DSCC1: variants seen among roughly 807,000 people sequenced by gnomAD.
DSCC1 encodes DNA replication and sister chromatid cohesion 1, also known as sister chromatid cohesion protein DCC1.
Under a neutral mutation model 48.2 loss-of-function variants are expected in DSCC1, and 32 were observed. That is an observed-to-expected ratio of 0.66 (90% CI 0.50 to 0.89). The LOEUF (loss-of-function observed/expected upper bound fraction) is 0.89, where lower values mean the gene tolerates loss of function less well. Among genes scored for constraint, DSCC1 ranks in the 40% least tolerant of loss-of-function variants. The pLI, the probability that DSCC1 is intolerant of heterozygous loss-of-function variation, is 0.00. For missense variants in DSCC1, 421 were observed against 471.7 expected, an observed-to-expected ratio of 0.89 and a Z score of 1.00; for synonymous variants, 150 against 171.5, an observed-to-expected ratio of 0.87 and a Z score of 0.98.
intron 3 of DSCC1, among the ~76,000 whole-genome samples, chr8:119,847,668 T>G (rs1826877736): frequency 2.0e-5 from 1 of 48,894 alleles, no homozygotes; most frequent in Admixed American, 1.8e-4. Context: ...CTTCTTTTTC[T>G]TTTTTTTTTT....
At chr8:119,848,484 T>C (rs1007097242) in intron 3 of DSCC1, among the ~76,000 whole-genome samples, 2 of 152,072 alleles carry the variant, frequency 1.3e-5, no homozygotes, top group African/African-American at 4.8e-5. Context: ...TCCAAAGATA[T>C]ACAAATCGTC....
rs112166716 is a variant in DSCC1 at position 119,844,235 on chromosome 8, C to G, written c.578-488G>C. Among the ~76,000 whole-genome samples the G allele has an allele frequency of 5.4e-4, 82 of 152,056 alleles. 1 individual carries two copies. Among genetic ancestry groups the G allele is most frequent in the African/African-American group, 1.8e-3 (75 of 41,486 alleles). ...GGTGGATCACTTTAGGCCAGGAGTTCGAGACCAGCCTGGCCAACATAGTGA... is the reference window on the plus strand; with the variant it reads ...GGTGGATCACTTTAGGCCAGGAGTTGGAGACCAGCCTGGCCAACATAGTGA... On this transcript the variant is annotated intron_variant, in intron 4 of 8. Transcript: ENST00000313655.
intron 2 of DSCC1, 41 bp from the exon 3 acceptor site, chr8:119,850,557 A>G (rs1826929818): frequency 2.7e-6 from 4 of 1,493,978 alleles, no homozygotes; most frequent in African/African-American, 2.9e-5. Flanking sequence ...GGGCCATTCT[A>G]AAGGAAAATT....
chr8:119,843,325 T>A (rs546421704), intron 5 of DSCC1, among the ~76,000 whole-genome samples: 11 of 151,984 alleles, frequency 7.2e-5, no homozygotes, highest in African/African-American at 2.7e-4. Flanking sequence ...CCTGACCTCA[T>A]GATCCACCTG....
chr8:119,846,936 C>G (rs1826865355), intron 4 of DSCC1, 54 bp downstream of exon 4: 1 of 1,526,014 alleles, frequency 6.6e-7, no homozygotes, highest in Non-Finnish European at 9.1e-7. Context: ...AAAAACTTCT[C>G]TCCCTTATGA....
chr8:119,837,942 G>C (rs1159667756), intron 8 of DSCC1, among the ~76,000 whole-genome samples: 1 of 152,164 alleles, frequency 6.6e-6, no homozygotes, highest in Non-Finnish European at 1.5e-5. Flanking sequence ...GGCATGAGGT[G>C]GCAATCAGAG....
At chr8:119,846,963 T>G (rs1407466032) in intron 4 of DSCC1, 27 bp downstream of exon 4, 1 of 1,603,578 alleles carries the variant, frequency 6.2e-7, no homozygotes, top group South Asian at 1.1e-5. Flanking sequence ...ATTTCATCAT[T>G]GTTAAAATAG....
At chr8:119,848,980 C>T (rs13255739) in intron 3 of DSCC1, among the ~76,000 whole-genome samples, 1 of 151,704 alleles carries the variant, frequency 6.6e-6, no homozygotes, top group Non-Finnish European at 1.5e-5. Flanking sequence ...GTCAGGAGAT[C>T]GAGACCATCC....
chr8:119,846,905 C>T (rs554059242), intron 4 of DSCC1, 85 bp downstream of exon 4: 38 of 1,210,370 alleles, frequency 3.1e-5, no homozygotes, highest in Admixed American at 1.6e-4. Context: ...ATAAACTATA[C>T]GCAGTAGGGT....
intron 5 of DSCC1, among the ~76,000 whole-genome samples, chr8:119,843,052 G>T (rs1346487021): frequency 6.6e-6 from 1 of 151,850 alleles, no homozygotes; most frequent in Non-Finnish European, 1.5e-5. Context: ...AATTATGTAA[G>T]CATAAATTTA....
chr8:119,849,101 C>T (rs1414784559), intron 3 of DSCC1, among the ~76,000 whole-genome samples: 3 of 145,802 alleles, frequency 2.1e-5, no homozygotes, highest in Non-Finnish European at 3.0e-5. Context: ...AGGAGAATGG[C>T]GTGAACCCGG....
In DSCC1 at chr8:119,847,059, C is replaced by G. The variant is rs1414810670; in HGVS notation, c.508G>C (p.Asp170His). The G allele has an allele frequency of 1.2e-6, 2 of 1,613,326 alleles. No individual in the cohort carries two copies. The highest frequency in any genetic ancestry group is 1.7e-5 in the Admixed American group (1 of 60,022). The stretch of plus-strand genomic sequence containing the variant: ...TCTTCCTCACTTGCCTGAATTTGAT[C>G]AAGCAAATCTTCAGTTGTATACTGC... ...SSKYTTEDLL[D>H]QIQASEEEIM... The change falls in exon 4 of 9, where the codon GAT becomes CAT. Residue 170 changes from aspartate (D) to histidine (H), a missense_variant. Coordinates refer to ENST00000313655, the MANE Select transcript of DSCC1 (RefSeq NM_024094.3).
At position 119,841,840 on chromosome 8, in the gene DSCC1, T is replaced by G. The variant is rs1175138646; in HGVS notation, c.878A>C (p.Gln293Pro). The change falls in exon 7 of 9, where the codon CAG becomes CCG. Residue 293 changes from glutamine to proline, a missense_variant. This residue lies in a region of DSCC1 where 238 missense variants were observed against 259.0 expected (regional missense o/e 0.92). Coordinates refer to ENST00000313655, the MANE Select transcript of DSCC1 (RefSeq NM_024094.3). The part of the protein sequence containing the change: ...FNLAEFQEVW[Q>P]QSVPEGMVTS... ...TACCATTCCTTCAGGAACACTCTGC[T>G]GCCACACTTCTTGAAACTCAGCGAG... 3 of 1,614,134 alleles carry G rather than the reference T, an allele frequency of 1.9e-6. No homozygotes were observed. In the South Asian group the frequency reaches 3.3e-5, roughly 18 times the overall value.
intron 7 of DSCC1, chr8:119,838,857 CT>C (rs1346096933): frequency 6.5e-6 from 1 of 152,830 alleles, no homozygotes; most frequent in Non-Finnish European, 1.5e-5. Flanking sequence ...ACTCCGCCTC[CT>C]GAGTAGCTGT....
chr8:119,853,803 G>A (rs1036467038), intron 1 of DSCC1, among the ~76,000 whole-genome samples: 1 of 152,208 alleles, frequency 6.6e-6, no homozygotes, highest in Admixed American at 6.5e-5. Context: ...CTAACCATAA[G>A]TTGTGTTGCA....
At chr8:119,837,158 T>C (rs188072598) in intron 8 of DSCC1, among the ~76,000 whole-genome samples, 55 of 152,288 alleles carry the variant, frequency 3.6e-4, no homozygotes, top group African/African-American at 1.3e-3. Context: ...TATTGTTGTC[T>C]TGCAAGATGG....
In DSCC1 at chr8:119,841,844, A is replaced by G. The variant is rs1826774365; in HGVS notation, c.874T>C (p.Trp292Arg). The G allele has an allele frequency of 6.2e-7, 1 of 1,614,084 alleles. No homozygotes were observed. Among genetic ancestry groups the G allele is most frequent in the Non-Finnish European group, 8.5e-7 (1 of 1,180,000 alleles). ...KFNLAEFQEV[W>R]QQSVPEGMVT... ...ATTCCTTCAGGAACACTCTGCTGCCACACTTCTTGAAACTCAGCGAGATTG... is the reference window on the plus strand; with the variant it reads ...ATTCCTTCAGGAACACTCTGCTGCCGCACTTCTTGAAACTCAGCGAGATTG... Residue 292 changes from tryptophan to arginine, a missense_variant, in exon 7 of 9, where the codon TGG becomes CGG. By Grantham distance (101) the Trp-to-Arg change is moderately radical (BLOSUM62 -3). Around this residue, in one of 3 missense-constraint regions of DSCC1, gnomAD observed 238 missense variants for 259.0 expected, o/e 0.92. Coordinates refer to ENST00000313655, the MANE Select transcript of DSCC1 (RefSeq NM_024094.3).
chr8:119,852,272 AG>A (rs1826952033), intron 2 of DSCC1, among the ~76,000 whole-genome samples: 1 of 152,228 alleles, frequency 6.6e-6, no homozygotes, highest in South Asian at 2.1e-4. Flanking sequence ...AATAATTAAA[AG>A]TTTGTTATAC....
Position 119,834,675 on chromosome 8 carries a change from G to A in DSCC1, c.*218C>T, listed in dbSNP as rs3195615. 2.6e-3 allele frequency: 1,118 copies of A among 424,112 alleles called. 11 individuals are homozygous for A. The Middle Eastern group carries it at 0.028, about 11-fold the overall frequency. 26.3% of individuals were successfully genotyped at this position (424,112 alleles called of 1,614,324 possible). A position where few individuals can be genotyped will look rare whatever the true frequency, so the allele number is the denominator to read the frequency against. On this transcript the variant is annotated 3_prime_UTR_variant, in exon 9 of 9. Transcript: ENST00000313655. Reference sequence around the variant, plus strand: ...ACATAATATAGGAAAGAATTCTTTTGTCCTTGTTTACACTGTGTACATAGT... The same window carrying A: ...ACATAATATAGGAAAGAATTCTTTTATCCTTGTTTACACTGTGTACATAGT...
Sources: allele counts gnomAD v4.1 joint callset (sites outside exome capture counted in the v4.1 genomes callset), GRCh38; gene constraint gnomAD v4.1.1; regional missense constraint gnomAD v4.1.1; transcripts MANE v1.5; gene names NCBI Gene and HGNC (gene_info 2026-07-23, HGNC 2026-07-21).